The following SLC9B2 variants were observed in gnomAD, a reference collection of about 807,000 sequenced individuals.
The protein encoded by SLC9B2 is sodium/hydrogen exchanger 9B2.
SLC9B2 carries 39 observed loss-of-function variants against 52.2 expected under a neutral mutation model. The observed-to-expected ratio is 0.75, with a 90% CI of 0.58 to 0.98. The LOEUF is 0.98. SLC9B2 is among the 50% of genes least tolerant of loss of function. SLC9B2 has a pLI of 0.00. For synonymous variants in SLC9B2, 214 were observed against 227.0 expected (o/e 0.94, Z 0.51); for missense variants, 626 against 637.5 (o/e 0.98, Z 0.19).
chr4:103,049,735 G>T (rs1242743809), intron 5 of SLC9B2, among the ~76,000 whole-genome samples: 1 of 152,180 alleles, frequency 6.6e-6, no homozygotes, highest in Non-Finnish European at 1.5e-5. Context: ...AGACCGGCTG[G>T]GCGCAGTGGC....
Position 103,023,533 on chromosome 4 carries a change from TG to T in SLC9B2, c.*2836del, listed in dbSNP as rs1741954990. 6.6e-6 allele frequency among the ~76,000 whole-genome samples: 1 copy of T among 152,230 alleles called. No individual in the cohort carries two copies. The highest frequency in any genetic ancestry group is 6.5e-5 in the Admixed American group (1 of 15,290). Reference sequence around the variant, plus strand: ...TGAGCCCTGCTGAATGGTCAGCCTCTGTCATTCTTGACCTCACCATCTCCAT... The same window carrying T: ...TGAGCCCTGCTGAATGGTCAGCCTCTTCATTCTTGACCTCACCATCTCCAT... On this transcript the variant is annotated 3_prime_UTR_variant, in exon 12 of 12. Coordinates refer to ENST00000394785, the MANE Select transcript of SLC9B2 (RefSeq NM_178833.7).
chr4:103,050,459 A>T, intron 4 of SLC9B2, 77 bp from the exon 5 acceptor site: 1 of 1,294,580 alleles, frequency 7.7e-7, no homozygotes, highest in East Asian at 2.9e-5. Context: ...TTTTATACAG[A>T]CTACTATATA....
intron 1 of SLC9B2, among the ~76,000 whole-genome samples, chr4:103,068,507 G>A (rs972285182): frequency 6.6e-6 from 1 of 152,192 alleles, no homozygotes; most frequent in Admixed American, 6.5e-5. Flanking sequence ...AAGGGCAACA[G>A]ACATCTTTCA....
chr4:103,072,172 C>A (rs1746715174), intron 1 of SLC9B2, among the ~76,000 whole-genome samples: 1 of 149,532 alleles, frequency 6.7e-6, no homozygotes, highest in Non-Finnish European at 1.5e-5. Context: ...TATTCTCCTG[C>A]CTCAGCCTCC....
In SLC9B2 at chr4:103,048,958, CG is replaced by C. The variant is rs1744415365; in HGVS notation, c.647del (p.Ala216GlyfsTer26). 1 of 1,613,830 alleles carries C rather than the reference CG, an allele frequency of 6.2e-7. No homozygotes were observed. The highest frequency in any genetic ancestry group is 1.1e-5 in the South Asian group (1 of 91,080). On this transcript the variant is annotated frameshift_variant, in exon 6 of 12. Coordinates refer to ENST00000394785, the MANE Select transcript of SLC9B2 (RefSeq NM_178833.7). LOFTEE classifies it high-confidence loss of function. ...AATGGGCAAGAAGAGCAGATGTGCA[CG>C]CCTCCACAATACAGGGACCCATGGA... The part of the protein sequence containing the change: ...RLSMGPCIVE[A>X]CTSALLAHYL...
chr4:103,060,948 T>C (rs1745586501), intron 3 of SLC9B2, among the ~76,000 whole-genome samples: 1 of 152,186 alleles, frequency 6.6e-6, no homozygotes, highest in African/African-American at 2.4e-5. Flanking sequence ...AGAGGCCCCA[T>C]CTGCAGAACA....
intron 9 of SLC9B2, among the ~76,000 whole-genome samples, chr4:103,038,356 G>T (rs904374737): frequency 6.6e-6 from 1 of 152,112 alleles, no homozygotes; most frequent in Admixed American, 6.5e-5. Flanking sequence ...CTAAACTGTA[G>T]ACAAAGGCCA....
chr4:103,066,193 G>T, intron 3 of SLC9B2, 134 bp downstream of exon 3: 1 of 1,001,062 alleles, frequency 1.0e-6, no homozygotes, highest in Non-Finnish European at 1.5e-6. Flanking sequence ...CCACCCATGT[G>T]TGTGAATTGT....
chr4:103,049,943 A>T (rs1578461318), intron 5 of SLC9B2, among the ~76,000 whole-genome samples: 1 of 151,660 alleles, frequency 6.6e-6, no homozygotes, highest in Admixed American at 6.6e-5. Context: ...AACCCGGGAG[A>T]CAGAGGTTGC....
At position 103,067,507 on chromosome 4, in the gene SLC9B2, G is replaced by A. The variant is rs1335829081; in HGVS notation, c.44C>T (p.Pro15Leu). ...DKRITYEDSE[P>L]STGMNYTPSM... ...GGGCGTGTAATTCATTCCTGTGGAT[G>A]GTTCTGAATCTTCATATGTAATTCT... Residue 15 changes from proline to leucine, a missense_variant, in exon 2 of 12, where the codon CCA (proline) becomes CTA (leucine). Physicochemically the swap from Pro to Leu is moderately conservative, Grantham distance 98. Transcript: ENST00000394785. The A allele has an allele frequency of 6.2e-7, 1 of 1,613,360 alleles. No individual in the cohort carries two copies. The highest frequency in any genetic ancestry group is 1.7e-5 in the Admixed American group (1 of 60,020).
At chr4:103,056,005 C>T (rs1191870633) in intron 4 of SLC9B2, among the ~76,000 whole-genome samples, 2 of 151,776 alleles carry the variant, frequency 1.3e-5, no homozygotes, top group Non-Finnish European at 2.9e-5. Flanking sequence ...GGGATTTTAC[C>T]ATGTTAGCCA....
At chr4:103,045,097 C>A in intron 7 of SLC9B2, 101 bp from the exon 8 acceptor site, 2 of 754,592 alleles carry the variant, frequency 2.7e-6, no homozygotes, top group Non-Finnish European at 4.4e-6. Flanking sequence ...AAAGAAGAAA[C>A]ATTTTAAAGA....
At position 103,025,463 on chromosome 4, in the gene SLC9B2, C is replaced by A. The variant is rs1376370457; in HGVS notation, c.*907G>T. On this transcript the variant is annotated 3_prime_UTR_variant, in exon 12 of 12. Coordinates refer to ENST00000394785, the MANE Select transcript of SLC9B2 (RefSeq NM_178833.7). ...TGAGCAGACCTCATAAGCAGAGTAA[C>A]CCTGTTGGTATTAACGAACCAGCCA... 6.6e-6 allele frequency: 1 copy of A among 152,088 alleles called. No homozygotes were observed. Among genetic ancestry groups the A allele is most frequent in the Admixed American group, 6.6e-5 (1 of 15,250 alleles). The allele number at this position is 152,088 out of a possible 1,614,324, so 9.4% of individuals were successfully genotyped here. A position where few individuals can be genotyped will look rare whatever the true frequency, so the allele number is the denominator to read the frequency against.
chr4:103,047,667 A>G, intron 6 of SLC9B2, among the ~76,000 whole-genome samples: 1 of 151,274 alleles, frequency 6.6e-6, no homozygotes, highest in Non-Finnish European at 1.5e-5. Context: ...TCCTTGCGAT[A>G]GTTTGCTGAG....
At chr4:103,020,442 GACAA>G, downstream of SLC9B2, 1 of 401,844 alleles carries the variant, frequency 2.5e-6, no homozygotes, top group Non-Finnish European at 4.9e-6. Flanking sequence ...TTCTTAGAAA[GACAA>G]ACTGCCCTTT....
At chr4:103,034,975 T>A (rs1743033717) in intron 9 of SLC9B2, among the ~76,000 whole-genome samples, 1 of 152,206 alleles carries the variant, frequency 6.6e-6, no homozygotes, top group African/African-American at 2.4e-5. Flanking sequence ...TGATACTTTT[T>A]AATTTTTTGA....
chr4:103,026,451 T>C lies in SLC9B2; in HGVS notation c.1533A>G (p.Leu511=). 6.2e-7 allele frequency: 1 copy of C among 1,613,936 alleles called. No individual in the cohort carries two copies. The highest frequency in any genetic ancestry group is 8.5e-7 in the Non-Finnish European group (1 of 1,179,882). Residue 511 remains leucine (L), a synonymous_variant, in exon 12 of 12, where the codon TTA becomes TTG. Transcript: ENST00000394785. ...CTTTCTGCAGAAGCCTGGGGCCCAGTAAACCAATAAGCAGACTTCCAATTG... is the reference window on the plus strand; with the variant it reads ...CTTTCTGCAGAAGCCTGGGGCCCAGCAAACCAATAAGCAGACTTCCAATTG... ...TAPIGSLLIG[L]LGPRLLQKVE... is the part of the protein sequence containing the mutation.
rs113502798 is a variant in SLC9B2 at position 103,048,602 on chromosome 4, T to C, written c.713+291A>G. ...CACTGTTGCTGTGTTTATTATCCTT[T>C]GTGCAGACGTTAGGTGGAATCCGGT... On this transcript the variant is annotated intron_variant, in intron 6 of 11. Coordinates refer to ENST00000394785, the MANE Select transcript of SLC9B2 (RefSeq NM_178833.7). The C allele has an allele frequency of 3.0e-3, 742 of 243,570 alleles. 9 individuals carry two copies. The highest frequency in any genetic ancestry group is 0.011 in the Middle Eastern group (7 of 636). 15.1% of individuals were successfully genotyped at this position (243,570 alleles called of 1,614,324 possible).
intron 9 of SLC9B2, among the ~76,000 whole-genome samples, chr4:103,039,808 G>A (rs1019823524): frequency 1.5e-4 from 23 of 151,516 alleles, no homozygotes; most frequent in Non-Finnish European, 2.9e-4. Flanking sequence ...CACCATGCCC[G>A]GCTAATTTTT....
Sources: allele counts gnomAD v4.1 joint callset (sites outside exome capture counted in the v4.1 genomes callset), GRCh38; gene constraint gnomAD v4.1.1; transcripts MANE v1.5; gene names NCBI Gene and HGNC (gene_info 2026-07-23, HGNC 2026-07-21).